The following RGS18 variants were observed in gnomAD, a reference collection of about 807,000 sequenced individuals.
The protein encoded by RGS18 is regulator of G-protein signaling 18.
RGS18 carries 22 observed loss-of-function variants against 27.6 expected under a neutral mutation model. That is an observed-to-expected ratio of 0.80 (90% CI 0.57 to 1.14). The LOEUF is 1.14. Ranked by LOEUF, RGS18 falls within the 50% of genes most tolerant of loss-of-function variation. The probability of loss-of-function intolerance (pLI) is 0.00; values close to 1 mark genes in which losing one functional copy is unlikely to be tolerated. For synonymous variants in RGS18, 89 were observed against 84.6 expected, an observed-to-expected ratio of 1.05 and a Z score of -0.29; for missense variants, 299 against 269.6, an observed-to-expected ratio of 1.11 and a Z score of -0.76.
chr1:192,176,007 A>G (rs1376583032), intron 3 of RGS18, among the ~76,000 whole-genome samples: 1 of 151,816 alleles, frequency 6.6e-6, no homozygotes, highest in East Asian at 1.9e-4. Flanking sequence ...TTCCAATTGC[A>G]TGGCAGCCGA....
intron 3 of RGS18, chr1:192,161,584 C>CT (rs149463441): frequency 0.02 from 2,981 of 146,152 alleles, 37 homozygotes; most frequent in Non-Finnish European, 0.03. Context: ...AAGCCCACAG[C>CT]TTTTTTTTTT....
At chr1:192,170,022 A>C (rs1279666459) in intron 3 of RGS18, among the ~76,000 whole-genome samples, 2 of 152,164 alleles carry the variant, frequency 1.3e-5, no homozygotes, top group African/African-American at 4.8e-5. Flanking sequence ...ATTAAGGGGA[A>C]AGTTCTCAAG....
At chr1:192,177,380 T>A (rs1287961734) in intron 3 of RGS18, among the ~76,000 whole-genome samples, 1 of 151,618 alleles carries the variant, frequency 6.6e-6, no homozygotes, top group Non-Finnish European at 1.5e-5. Flanking sequence ...CATGTTTTTT[T>A]AATATAATTC....
At chr1:192,182,940 G>T (rs994521330) in intron 4 of RGS18, among the ~76,000 whole-genome samples, 1 of 151,486 alleles carries the variant, frequency 6.6e-6, no homozygotes. Flanking sequence ...GAGAGATGAG[G>T]TAAATCTAAC....
At chr1:192,177,663 G>A (rs1317438224) in intron 3 of RGS18, among the ~76,000 whole-genome samples, 1 of 151,694 alleles carries the variant, frequency 6.6e-6, no homozygotes, top group Non-Finnish European at 1.5e-5. Context: ...CGGACAAGAT[G>A]AAGTGTAATT....
chr1:192,181,079 C>A (rs990132232), intron 3 of RGS18, among the ~76,000 whole-genome samples: 15 of 151,510 alleles, frequency 9.9e-5, no homozygotes, highest in African/African-American at 3.4e-4. Context: ...GAGATACTGG[C>A]CTTATTTCAG....
intron 3 of RGS18, 172 bp downstream of exon 3, chr1:192,160,611 T>G (rs979704952): frequency 3.7e-5 from 18 of 481,512 alleles, no homozygotes; most frequent in Non-Finnish European, 6.0e-5. Context: ...TAATGGAAAT[T>G]TTTTTAAAAG....
chr1:192,181,028 C>T (rs957935159), intron 3 of RGS18, among the ~76,000 whole-genome samples: 1 of 151,542 alleles, frequency 6.6e-6, no homozygotes, highest in African/African-American at 2.4e-5. Context: ...CGTAGGGGGT[C>T]CCTCTTACTC....
chr1:192,162,639 C>T (rs1460477020), intron 3 of RGS18, among the ~76,000 whole-genome samples: 2 of 152,188 alleles, frequency 1.3e-5, no homozygotes, highest in Admixed American at 1.3e-4. Flanking sequence ...CTATGTCAAA[C>T]TTGCCCCGTA....
At chr1:192,177,980 A>G (rs1656385507) in intron 3 of RGS18, among the ~76,000 whole-genome samples, 1 of 151,748 alleles carries the variant, frequency 6.6e-6, no homozygotes, top group Non-Finnish European at 1.5e-5. Context: ...AGAGACAAGG[A>G]AAACCTAAAT....
intron 3 of RGS18, among the ~76,000 whole-genome samples, chr1:192,160,974 C>T (rs1455765495): frequency 2.0e-5 from 3 of 152,110 alleles, no homozygotes; most frequent in African/African-American, 7.2e-5. Flanking sequence ...CTCAGCCTCC[C>T]GAGTAGCTGG....
intron 3 of RGS18, 79 bp from the exon 4 acceptor site, chr1:192,181,213 A>C (rs1444695731): frequency 2.5e-6 from 2 of 787,216 alleles, no homozygotes; most frequent in African/African-American, 3.7e-5. Context: ...TAATATTTGC[A>C]ATTATGTTTT....
chr1:192,183,671 CA>C (rs1222311059), intron 4 of RGS18, among the ~76,000 whole-genome samples: 1 of 151,476 alleles, frequency 6.6e-6, no homozygotes, highest in Non-Finnish European at 1.5e-5. Flanking sequence ...TCACAATAAC[CA>C]AAATGTGGAA....
chr1:192,170,853 A>G (rs928308179), intron 3 of RGS18, among the ~76,000 whole-genome samples: 4 of 152,150 alleles, frequency 2.6e-5, no homozygotes, highest in Non-Finnish European at 5.9e-5. Flanking sequence ...GGATATTGCA[A>G]TTTAGCTTTC....
At chr1:192,183,319 A>G (rs1656487756) in intron 4 of RGS18, among the ~76,000 whole-genome samples, 1 of 151,622 alleles carries the variant, frequency 6.6e-6, no homozygotes, top group African/African-American at 2.4e-5. Context: ...ACTACAGCAT[A>G]TGTTTGCTTG....
At chr1:192,167,127 T>G (rs936364727) in intron 3 of RGS18, among the ~76,000 whole-genome samples, 1 of 152,174 alleles carries the variant, frequency 6.6e-6, no homozygotes, top group Non-Finnish European at 1.5e-5. Context: ...GAAAACAATT[T>G]GTAACATGTA....
chr1:192,162,666 G>A (rs1011028858), intron 3 of RGS18, among the ~76,000 whole-genome samples: 13 of 152,002 alleles, frequency 8.6e-5, no homozygotes, highest in Non-Finnish European at 1.6e-4. Context: ...TTCTTGCTCC[G>A]ATTGTTTTGG....
At chr1:192,178,588 G>GA (rs929135734) in intron 3 of RGS18, among the ~76,000 whole-genome samples, 18 of 150,960 alleles carry the variant, frequency 1.2e-4, no homozygotes, top group African/African-American at 4.1e-4. Context: ...CATATGGATG[G>GA]AAAAAAAATG....
intron 3 of RGS18, among the ~76,000 whole-genome samples, chr1:192,174,826 T>C (rs963906166): frequency 1.3e-5 from 2 of 151,858 alleles, no homozygotes; most frequent in Non-Finnish European, 2.9e-5. Context: ...AGTCTGTTTT[T>C]ACTTTTTAAC....
Sources: gnomAD v4.1 joint callset for allele counts (sites outside exome capture counted in the v4.1 genomes callset) on GRCh38, gnomAD v4.1.1 for gene constraint, MANE v1.5 for transcripts, NCBI Gene and HGNC (gene_info 2026-07-23, HGNC 2026-07-21) for gene names.